Variants in SETBP1 observed in about 807,000 individuals in gnomAD.
SETBP1 encodes SET-binding protein.
Under a neutral mutation model 101.0 loss-of-function variants are expected in SETBP1, and 9 were observed. The ratio of observed to expected loss-of-function variants is 0.09; its 90% confidence interval spans 0.05 to 0.16. The LOEUF is 0.16. Ranked by LOEUF, SETBP1 falls within the 10% of genes least tolerant of loss-of-function variation. The pLI, the probability that SETBP1 is intolerant of heterozygous loss-of-function variation, is 1.00. For synonymous variants in SETBP1, 818 were observed against 788.5 expected (o/e 1.04, Z -0.63); for missense variants, 1,858 against 2,033.8 (o/e 0.91, Z 1.66).
At chr18:44,963,325 AAGGGAGC>A (rs2071651109) in intron 4 of SETBP1, among the ~76,000 whole-genome samples, 5 of 152,140 alleles carry the variant, frequency 3.3e-5, no homozygotes, top group African/African-American at 4.8e-5. Flanking sequence ...TTTACATACA[AAGGGAGC>A]TCTTTGGAAC....
At chr18:44,706,302 A>C (rs1301172852) in intron 2 of SETBP1, among the ~76,000 whole-genome samples, 1 of 152,060 alleles carries the variant, frequency 6.6e-6, no homozygotes, top group Non-Finnish European at 1.5e-5. Context: ...ATGTTCCAGT[A>C]GTGCTGGGCA....
At chr18:45,049,792 C>A (rs2073691707) in intron 5 of SETBP1, among the ~76,000 whole-genome samples, 1 of 152,060 alleles carries the variant, frequency 6.6e-6, no homozygotes, top group Non-Finnish European at 1.5e-5. Flanking sequence ...GTAATATCTT[C>A]CGTTATTTAA....
chr18:44,796,971 G>A (rs1252566731), intron 2 of SETBP1, among the ~76,000 whole-genome samples: 2 of 152,260 alleles, frequency 1.3e-5, no homozygotes, highest in South Asian at 2.1e-4. Context: ...CTACCTGAAG[G>A]GGGGTAAATG....
chr18:44,843,237 C>T (rs1482998280), intron 2 of SETBP1, among the ~76,000 whole-genome samples: 2 of 152,240 alleles, frequency 1.3e-5, no homozygotes, highest in Non-Finnish European at 2.9e-5. Context: ...AGGCCTCACA[C>T]TGAGGGCCTG....
intron 4 of SETBP1, among the ~76,000 whole-genome samples, chr18:45,013,681 G>A (rs1161422126): frequency 2.0e-5 from 3 of 152,024 alleles, no homozygotes; most frequent in East Asian, 1.9e-4. Flanking sequence ...CTCATGATCC[G>A]CCTGCCTTGG....
At chr18:44,853,106 C>T (rs2072906202) in intron 2 of SETBP1, among the ~76,000 whole-genome samples, 1 of 152,194 alleles carries the variant, frequency 6.6e-6, no homozygotes, top group Admixed American at 6.5e-5. Flanking sequence ...CTAATAAAAG[C>T]TTCATAGAAG....
At chr18:44,886,046 A>G (rs2069640248) in intron 3 of SETBP1, among the ~76,000 whole-genome samples, 1 of 151,980 alleles carries the variant, frequency 6.6e-6, no homozygotes, top group Non-Finnish European at 1.5e-5. Context: ...ATATAGTCGG[A>G]TGGTTTGGGA....
In SETBP1 at chr18:44,850,149, T is replaced by C. The variant is rs143937505; in HGVS notation, c.487-19081T>C. Among the ~76,000 whole-genome samples, 22 of 152,322 alleles carry C rather than the reference T, an allele frequency of 1.4e-4. No individual in the cohort carries two copies. The East Asian group carries it at 4.1e-3, about 28-fold the overall frequency. Reference sequence around the variant, plus strand: ...TGTTTCTTTAGCACTAAATCAGTGATAAAAACTGCAACATTAACTCATGAC... The same window carrying C: ...TGTTTCTTTAGCACTAAATCAGTGACAAAAACTGCAACATTAACTCATGAC... On this transcript the variant is annotated intron_variant, in intron 2 of 5. Transcript: ENST00000649279.
intron 2 of SETBP1, among the ~76,000 whole-genome samples, chr18:44,767,342 T>A (rs1399848986): frequency 6.6e-6 from 1 of 152,298 alleles, no homozygotes; most frequent in Middle Eastern, 3.4e-3. Context: ...AAAAACACAA[T>A]CCTGCAGCTA....
chr18:44,731,011 G>T (rs1247078194), intron 2 of SETBP1, among the ~76,000 whole-genome samples: 2 of 152,182 alleles, frequency 1.3e-5, no homozygotes, highest in Non-Finnish European at 2.9e-5. Context: ...CTGGCTGTGG[G>T]CAGAGTCTGT....
At chr18:44,984,195 GAAAAAC>G (rs1278038729) in intron 4 of SETBP1, among the ~76,000 whole-genome samples, 3 of 152,190 alleles carry the variant, frequency 2.0e-5, no homozygotes, top group African/African-American at 7.2e-5. Flanking sequence ...TCCGTCTTGG[GAAAAAC>G]AAAAACAAAA....
intron 3 of SETBP1, among the ~76,000 whole-genome samples, chr18:44,885,486 G>A (rs181738883): frequency 7.9e-5 from 12 of 151,980 alleles, no homozygotes; most frequent in South Asian, 2.1e-4. Flanking sequence ...ACACTGTACC[G>A]CAATCACTAA....
Position 44,952,121 on chromosome 18 carries a change from T to C in SETBP1, c.2781T>C (p.Phe927=), listed in dbSNP as rs142192274. Residue 927 remains phenylalanine, a synonymous_variant, in exon 4 of 6, where the codon TTT becomes TTC. Transcript: ENST00000649279. Reference sequence around the variant, plus strand: ...AAAAGCATCTCATTGTGGACAACTTTCTGGCCCACGAAAGCCTCAAGAAGC... The same window carrying C: ...AAAAGCATCTCATTGTGGACAACTTCCTGGCCCACGAAAGCCTCAAGAAGC... The part of the protein sequence containing the change: ...HRQKHLIVDN[F]LAHESLKKPK... 3 of 1,613,996 alleles carry C rather than the reference T, an allele frequency of 1.9e-6. No individual in the cohort carries two copies. The highest frequency in any genetic ancestry group is 2.5e-6 in the Non-Finnish European group (3 of 1,180,046).
At chr18:44,754,046 G>T (rs1334871661) in intron 2 of SETBP1, among the ~76,000 whole-genome samples, 1 of 152,142 alleles carries the variant, frequency 6.6e-6, no homozygotes, top group South Asian at 2.1e-4. Flanking sequence ...ACCATAGATC[G>T]CCTCTGTTCA....
In SETBP1 at chr18:45,060,515, TC is replaced by T. The variant is rs572019871; in HGVS notation, c.4172-2562del. Among the ~76,000 whole-genome samples, 22 of 152,148 alleles carry T rather than the reference TC, an allele frequency of 1.4e-4. No homozygotes were observed. The East Asian group carries it at 4.2e-3, about 29-fold the overall frequency. On this transcript the variant is annotated intron_variant, in intron 5 of 5. Coordinates refer to ENST00000649279, the MANE Select transcript of SETBP1 (RefSeq NM_015559.3). The stretch of plus-strand genomic sequence containing the variant: ...ATGGAGAAGGGAGCCATGACTTAGC[TC>T]CATCTGTAATGTTTTCTTATTAAAA...
At chr18:44,764,380 T>C (rs1011407935) in intron 2 of SETBP1, among the ~76,000 whole-genome samples, 1 of 152,220 alleles carries the variant, frequency 6.6e-6, no homozygotes, top group Non-Finnish European at 1.5e-5. Context: ...AACTCACAGA[T>C]CTCTCCCCTT....
intron 2 of SETBP1, among the ~76,000 whole-genome samples, chr18:44,862,731 A>T (rs1712614424): frequency 6.6e-6 from 1 of 152,114 alleles, no homozygotes; most frequent in Non-Finnish European, 1.5e-5. Flanking sequence ...TGACCTTCTG[A>T]TTATTAATAG....
chr18:44,982,742 A>T (rs529313647), intron 4 of SETBP1, among the ~76,000 whole-genome samples: 1 of 152,306 alleles, frequency 6.6e-6, no homozygotes, highest in East Asian at 1.9e-4. Context: ...TATGAAGGCT[A>T]ATCTTAAAAC....
chr18:44,702,325 G>A (rs955916404), intron 2 of SETBP1, among the ~76,000 whole-genome samples: 3 of 152,144 alleles, frequency 2.0e-5, no homozygotes, highest in Non-Finnish European at 4.4e-5. Context: ...GACTCTTGAA[G>A]TTCAAGCCCG....
Sources: gnomAD v4.1 joint callset for allele counts (sites outside exome capture counted in the v4.1 genomes callset) on GRCh38, gnomAD v4.1.1 for gene constraint, MANE v1.5 for transcripts, NCBI Gene and HGNC (gene_info 2026-07-23, HGNC 2026-07-21) for gene names.